The following RIGI variants were observed in gnomAD, a reference collection of about 807,000 sequenced individuals.
RIGI encodes the protein antiviral innate immune response receptor RIG-I.
chr9:32,504,919 T>TATACTTATATC, the RIGI span, among the ~76,000 whole-genome samples: 1 of 138,294 alleles, frequency 7.2e-6, no homozygotes, highest in South Asian at 2.2e-4. Context: ...ATTATATCTA[T>TATACTTATATC]TATATATAGA....
the RIGI span, chr9:32,501,024 C>T: frequency 6.8e-7 from 1 of 1,479,628 alleles, no homozygotes; most frequent in Middle Eastern, 1.8e-4. Context: ...ACCAGACCTT[C>T]CCAAATAGGG....
At chr9:32,526,116 C>A in the RIGI span, 10 of 1,613,952 alleles carry the variant, frequency 6.2e-6, no homozygotes, top group Non-Finnish European at 8.5e-6. Flanking sequence ...CCAGGGTCTT[C>A]CGGATATAAT....
At chr9:32,489,198 AC>A in the RIGI span, 8 of 555,408 alleles carry the variant, frequency 1.4e-5, no homozygotes, top group African/African-American at 1.2e-4. Context: ...CCCATAAAAA[AC>A]ATTAGGATTA....
At chr9:32,508,598 G>C in the RIGI span, among the ~76,000 whole-genome samples, 1 of 152,052 alleles carries the variant, frequency 6.6e-6, no homozygotes, top group Non-Finnish European at 1.5e-5. Flanking sequence ...CCAAGTCTTC[G>C]CAACCAGCAG....
chr9:32,459,213 T>A, the RIGI span, among the ~76,000 whole-genome samples: 1 of 151,628 alleles, frequency 6.6e-6, no homozygotes, highest in Non-Finnish European at 1.5e-5. Flanking sequence ...TATTGAACAT[T>A]TAGTATTTTT....
chr9:32,460,078 T>C, the RIGI span, among the ~76,000 whole-genome samples: 1 of 152,232 alleles, frequency 6.6e-6, no homozygotes, highest in African/African-American at 2.4e-5. Flanking sequence ...ATTCTTATGA[T>C]AGTGATTGTG....
chr9:32,485,302 AAAAAG>A, the RIGI span: 2 of 1,353,030 alleles, frequency 1.5e-6, no homozygotes, highest in Admixed American at 2.0e-5. Context: ...AAAAAAAAAG[AAAAAG>A]AAAAAAAGAG....
the RIGI span, among the ~76,000 whole-genome samples, chr9:32,510,102 C>A: frequency 6.6e-6 from 1 of 152,114 alleles, no homozygotes; most frequent in East Asian, 1.9e-4. Flanking sequence ...AAAGACCAAA[C>A]CTATGTTTGA....
the RIGI span, among the ~76,000 whole-genome samples, chr9:32,499,724 G>C: frequency 6.6e-6 from 1 of 152,036 alleles, no homozygotes; most frequent in Non-Finnish European, 1.5e-5. Flanking sequence ...CCAAAGTGCT[G>C]GGATTACAGG....
the RIGI span, chr9:32,492,581 G>A: frequency 6.2e-7 from 1 of 1,608,282 alleles, no homozygotes. Context: ...TATCTCAAAA[G>A]TTTTCCCTTT....
At chr9:32,488,822 G>A in the RIGI span, 6 of 1,612,892 alleles carry the variant, frequency 3.7e-6, no homozygotes, top group Middle Eastern at 1.6e-4. Context: ...TTCCCCTTTT[G>A]TCCTTGTGGG....
the RIGI span, chr9:32,525,945 C>T: frequency 1.2e-6 from 1 of 849,460 alleles, no homozygotes; most frequent in Non-Finnish European, 1.9e-6. Flanking sequence ...GAGATCTTAC[C>T]ACAAACCTGG....
the RIGI span, chr9:32,498,210 T>C: frequency 2.2e-6 from 1 of 451,498 alleles, no homozygotes; most frequent in East Asian, 7.0e-5. Flanking sequence ...TCATGTCCTC[T>C]GCTTCACCTT....
chr9:32,497,729 C>T, the RIGI span, among the ~76,000 whole-genome samples: 1 of 151,842 alleles, frequency 6.6e-6, no homozygotes, highest in Non-Finnish European at 1.5e-5. Context: ...CCAGCCTGGG[C>T]GACAGAGCGA....
chr9:32,518,240 A>G, the RIGI span, among the ~76,000 whole-genome samples: 1 of 152,172 alleles, frequency 6.6e-6, no homozygotes, highest in African/African-American at 2.4e-5. Flanking sequence ...ACAAGGTAGA[A>G]AAGAACAAGT....
chr9:32,511,280 T>C, the RIGI span, among the ~76,000 whole-genome samples: 1 of 152,084 alleles, frequency 6.6e-6, no homozygotes, highest in Non-Finnish European at 1.5e-5. Context: ...GAATAGAATA[T>C]ACATTCTTCT....
At chr9:32,465,156 C>T in the RIGI span, among the ~76,000 whole-genome samples, 2 of 152,178 alleles carry the variant, frequency 1.3e-5, no homozygotes, top group Admixed American at 1.3e-4. Context: ...AATAGAGAAT[C>T]CCATCCCCAG....
At chr9:32,491,469 G>C in the RIGI span, 6 of 1,467,270 alleles carry the variant, frequency 4.1e-6, no homozygotes, top group Non-Finnish European at 5.5e-6. Context: ...TCTGATTATA[G>C]TTTTGATGGT....
chr9:32,523,720 C>T, the RIGI span, among the ~76,000 whole-genome samples: 1 of 152,130 alleles, frequency 6.6e-6, no homozygotes, highest in African/African-American at 2.4e-5. Flanking sequence ...CATTCTCTCT[C>T]TCCCTGTCTT....
Sources: gnomAD v4.1 joint callset for allele counts (sites outside exome capture counted in the v4.1 genomes callset) on GRCh38, gnomAD v4.1.1 for gene constraint, MANE v1.5 for transcripts, NCBI Gene and HGNC (gene_info 2026-07-23, HGNC 2026-07-21) for gene names.